Variants in RB1CC1 observed in about 807,000 individuals in gnomAD.
RB1CC1 encodes the protein RB1 inducible coiled-coil 1, also known as RB1-inducible coiled-coil protein 1.
A neutral mutation model predicts 177.5 loss-of-function variants in RB1CC1; 46 were observed. That is an observed-to-expected ratio of 0.26 (90% CI 0.20 to 0.33). The LOEUF (loss-of-function observed/expected upper bound fraction) is 0.33, where lower values mean the gene tolerates loss of function less well. RB1CC1 is among the 10% of genes least tolerant of loss of function. The pLI is 1.00. For missense variants in RB1CC1, 1,703 were observed against 1,816.3 expected, an observed-to-expected ratio of 0.94 and a Z score of 1.13; for synonymous variants, 666 against 613.6, an observed-to-expected ratio of 1.09 and a Z score of -1.26.
intron 1 of RB1CC1, among the ~76,000 whole-genome samples, chr8:52,695,895 G>T (rs530397762): frequency 1.3e-5 from 2 of 152,182 alleles, no homozygotes; most frequent in Non-Finnish European, 2.9e-5. Context: ...GGTGGATATG[G>T]GGAACCTGTG....
At chr8:52,628,266 G>C in intron 21 of RB1CC1, 98 bp from the exon 22 acceptor site, 1 of 1,165,008 alleles carries the variant, frequency 8.6e-7, no homozygotes, top group South Asian at 1.4e-5. Context: ...TACATATTAA[G>C]ATATTAATGC....
chr8:52,637,500 G>C (rs924234179), intron 18 of RB1CC1, among the ~76,000 whole-genome samples: 1 of 152,028 alleles, frequency 6.6e-6, no homozygotes, highest in African/African-American at 2.4e-5. Flanking sequence ...ACCACAGCCA[G>C]CTCCAATTGA....
At chr8:52,640,310 G>A (rs1234610545) in intron 18 of RB1CC1, among the ~76,000 whole-genome samples, 1 of 152,114 alleles carries the variant, frequency 6.6e-6, no homozygotes, top group East Asian at 1.9e-4. Context: ...AGCCAGATAG[G>A]AGGAATAAGT....
At chr8:52,676,770 T>C (rs1853168186) in intron 5 of RB1CC1, among the ~76,000 whole-genome samples, 199 bp from the exon 6 acceptor site, 1 of 152,180 alleles carries the variant, frequency 6.6e-6, no homozygotes, top group African/African-American at 2.4e-5. Context: ...TCCGAGCAGG[T>C]ATCCTAAGAG....
intron 8 of RB1CC1, among the ~76,000 whole-genome samples, chr8:52,663,288 C>T (rs554744996): frequency 1.3e-5 from 2 of 151,832 alleles, no homozygotes; most frequent in South Asian, 2.1e-4. Context: ...CTCAAGGATA[C>T]GAATGGCTAG....
chr8:52,697,331 TAAA>T (rs1337575018), intron 1 of RB1CC1, among the ~76,000 whole-genome samples: 3 of 146,698 alleles, frequency 2.0e-5, no homozygotes, highest in Admixed American at 6.8e-5. Context: ...TTTTATAAAC[TAAA>T]AAAGATGGAC....
chr8:52,651,290 G>A (rs1028459965), intron 15 of RB1CC1, among the ~76,000 whole-genome samples: 1 of 152,154 alleles, frequency 6.6e-6, no homozygotes, highest in African/African-American at 2.4e-5. Context: ...GGCAAAATGA[G>A]ATACTCTAGA....
At position 52,645,806 on chromosome 8, in the gene RB1CC1, G is replaced by A; in HGVS notation, c.3883C>T (p.Leu1295Phe). The A allele has an allele frequency of 6.2e-7, 1 of 1,609,736 alleles. No homozygotes were observed. Among genetic ancestry groups the A allele is most frequent in the Non-Finnish European group, 8.5e-7 (1 of 1,178,740 alleles). The change falls in exon 16 of 24, where the codon CTT (leucine) becomes TTT (phenylalanine). Residue 1295 changes from leucine (L) to phenylalanine (F), a missense_variant. Physicochemically the swap from Leu to Phe is conservative, Grantham distance 22 (BLOSUM62 0). This residue lies in a region of RB1CC1 where 1,169 missense variants were observed against 1,184.7 expected (regional missense o/e 0.99). Coordinates refer to ENST00000025008, the MANE Select transcript of RB1CC1 (RefSeq NM_014781.5). ...SSLVAELQEK[L>F]QEEKAKFLEQ... Reference sequence around the variant, plus strand: ...AGAAACTTAGCTTTTTCTTCCTGAAGCTTTTCTTGAAGTTCAGCAACTAAG... The same window carrying A: ...AGAAACTTAGCTTTTTCTTCCTGAAACTTTTCTTGAAGTTCAGCAACTAAG...
chr8:52,655,423 G>C (rs1851005863), intron 15 of RB1CC1, among the ~76,000 whole-genome samples: 1 of 152,030 alleles, frequency 6.6e-6, no homozygotes, highest in Non-Finnish European at 1.5e-5. Flanking sequence ...GTGATCAAAA[G>C]GCAGTAATAT....
intron 21 of RB1CC1, 72 bp from the exon 22 acceptor site, chr8:52,628,240 A>G (rs1173651684): frequency 4.3e-6 from 6 of 1,389,360 alleles, no homozygotes; most frequent in Non-Finnish European, 6.0e-6. Flanking sequence ...CTTAGCATAT[A>G]TACTTAATGC....
At position 52,673,848 on chromosome 8, in the gene RB1CC1, G is replaced by A; in HGVS notation, c.999C>T (p.Ser333=). Residue 333 remains serine, a synonymous_variant, in exon 7 of 24, where the codon AGC becomes AGT. Transcript: ENST00000025008. ...SLVRKCFDSM[S]RLDPRIIRPF... is the part of the protein sequence containing the mutation. ...ACATCAAATTAACGTTACTTACCCT[G>A]CTCATAGAATCAAAGCACTTCCTGA... The A allele has an allele frequency of 1.2e-6, 2 of 1,605,888 alleles. No individual in the cohort carries two copies. Among genetic ancestry groups the A allele is most frequent in the Non-Finnish European group, 1.7e-6 (2 of 1,174,384 alleles).
chr8:52,663,332 C>T (rs908303929), intron 8 of RB1CC1, among the ~76,000 whole-genome samples: 5 of 151,494 alleles, frequency 3.3e-5, no homozygotes, highest in African/African-American at 1.2e-4. Context: ...TGTTACACAG[C>T]TTCATAGGTT....
Position 52,714,208 on chromosome 8 carries a change from G to A in RB1CC1, c.-300C>T. On this transcript the variant is annotated 5_prime_UTR_variant, in exon 1 of 24. Transcript: ENST00000025008. ...CACCGCTAAGCCGACACAACCGCCG[G>A]CGTCCCGGGCGCCCGCCCGCCGCGG... 1 of 224,966 alleles carries A rather than the reference G, an allele frequency of 4.4e-6. No individual in the cohort carries two copies. The highest frequency in any genetic ancestry group is 9.3e-6 in the Non-Finnish European group (1 of 107,314). The allele number at this position is 224,966 out of a possible 1,614,324, so 13.9% of individuals were successfully genotyped here. A position where few individuals can be genotyped will look rare whatever the true frequency, so the allele number is the denominator to read the frequency against.
At chr8:52,674,478 T>C (rs1158422713) in intron 6 of RB1CC1, among the ~76,000 whole-genome samples, 1 of 152,184 alleles carries the variant, frequency 6.6e-6, no homozygotes. Context: ...CATTAAAATA[T>C]CACTCTAGGG....
intron 1 of RB1CC1, among the ~76,000 whole-genome samples, chr8:52,710,744 G>A (rs1856994438): frequency 6.6e-6 from 1 of 151,622 alleles, no homozygotes; most frequent in Admixed American, 6.6e-5. Flanking sequence ...TATAAGACAG[G>A]GAAAATGGGG....
Position 52,676,352 on chromosome 8 carries a change from T to C in RB1CC1, c.572+17A>G, listed in dbSNP as rs1319043948. On this transcript the variant is annotated intron_variant, in intron 6 of 23. Coordinates refer to ENST00000025008, the MANE Select transcript of RB1CC1 (RefSeq NM_014781.5). ...GGCATTTTAAACAAATATTATCCAT[T>C]TTAATGGCAAACATACTGAGTAAGT... The C allele has an allele frequency of 1.3e-6, 2 of 1,581,402 alleles. No individual in the cohort carries two copies. Among genetic ancestry groups the C allele is most frequent in the Admixed American group, 1.8e-5 (1 of 56,586 alleles).
At chr8:52,687,276 T>C (rs1854355015) in intron 1 of RB1CC1, among the ~76,000 whole-genome samples, 1 of 152,162 alleles carries the variant, frequency 6.6e-6, no homozygotes, top group South Asian at 2.1e-4. Flanking sequence ...TTGGGGTCCA[T>C]TACTTGCAAT....
In RB1CC1 at chr8:52,623,716, G is replaced by A; in HGVS notation, c.*66C>T. The A allele has an allele frequency of 1.7e-6, 2 of 1,154,340 alleles. No homozygotes were observed. The highest frequency in any genetic ancestry group is 1.3e-6 in the Non-Finnish European group (1 of 767,248). 71.5% of individuals were successfully genotyped at this position (1,154,340 alleles called of 1,614,324 possible). On this transcript the variant is annotated 3_prime_UTR_variant, in exon 24 of 24. Transcript: ENST00000025008. The stretch of plus-strand genomic sequence containing the variant: ...AAAGATGGCCTGCTGTTTTTGGAGT[G>A]ATGAATGAGCACTGCAGGACAAATC...
At chr8:52,688,350 T>C (rs569303302) in intron 1 of RB1CC1, among the ~76,000 whole-genome samples, 55 of 152,258 alleles carry the variant, frequency 3.6e-4, no homozygotes, top group Middle Eastern at 3.4e-3. Flanking sequence ...GGAATATTAA[T>C]ACCCTGGGAA....
Sources: gnomAD v4.1 joint callset for allele counts (sites outside exome capture counted in the v4.1 genomes callset) on GRCh38, gnomAD v4.1.1 for gene constraint, gnomAD v4.1.1 regional missense constraint, MANE v1.5 for transcripts, NCBI Gene and HGNC (gene_info 2026-07-23, HGNC 2026-07-21) for gene names.